Variants in GPHN observed in about 807,000 individuals in gnomAD.
The protein encoded by GPHN is gephyrin.
A neutral mutation model predicts 95.5 loss-of-function variants in GPHN; 17 were observed. The observed-to-expected ratio is 0.18, with a 90% CI of 0.12 to 0.27. The LOEUF (loss-of-function observed/expected upper bound fraction) is 0.27, where lower values mean the gene tolerates loss of function less well. Ranked by LOEUF, GPHN falls within the 10% of genes least tolerant of loss-of-function variation. The probability of loss-of-function intolerance (pLI) is 1.00; values close to 1 mark genes in which losing one functional copy is unlikely to be tolerated. For synonymous variants in GPHN, 320 were observed against 322.5 expected (o/e 0.99, Z 0.08); for missense variants, 660 against 978.1 (o/e 0.67, Z 4.34).
the GPHN span, among the ~76,000 whole-genome samples, chr14:67,682,165 A>G: frequency 1.3e-5 from 2 of 152,224 alleles, no homozygotes; most frequent in South Asian, 4.1e-4. Flanking sequence ...TAGTAACAGA[A>G]AACTGTCTTT....
At chr14:66,727,457 G>T (rs1319179819) in intron 2 of GPHN, among the ~76,000 whole-genome samples, 1 of 152,206 alleles carries the variant, frequency 6.6e-6, no homozygotes, top group South Asian at 2.1e-4. Context: ...GAAAATGTGG[G>T]AAAGTTTGGA....
chr14:66,950,932 T>G (rs117788116), intron 8 of GPHN, among the ~76,000 whole-genome samples: 1,833 of 152,176 alleles, frequency 0.012, 18 homozygotes, highest in Non-Finnish European at 0.018. Context: ...GTTGTTGTTT[T>G]GTTTGTTTTG....
chr14:66,611,183 T>C (rs1208353501), intron 1 of GPHN, among the ~76,000 whole-genome samples: 2 of 152,162 alleles, frequency 1.3e-5, no homozygotes, highest in Non-Finnish European at 2.9e-5. Context: ...TGCAGGGGAT[T>C]TTTTACTAGT....
In GPHN at chr14:66,822,089, T is replaced by C. The variant is rs2061216071; in HGVS notation, c.202-2385T>C. ...GCCTCAGCCTCCCGAGTAGCTGGGA[T>C]TAGAGGCACCCACCACCGTGCCCGG... On this transcript the variant is annotated intron_variant, in intron 3 of 22. Transcript: ENST00000478722. 2.0e-5 allele frequency among the ~76,000 whole-genome samples: 3 copies of C among 152,116 alleles called. No individual in the cohort carries two copies. In the South Asian group the frequency reaches 6.2e-4, roughly 32 times the overall value.
At chr14:67,024,471 T>C (rs1321572780) in intron 10 of GPHN, among the ~76,000 whole-genome samples, 1 of 152,240 alleles carries the variant, frequency 6.6e-6, no homozygotes. Context: ...GGCCTACTGA[T>C]ACTCATACCA....
At chr14:67,352,862 TG>T in the GPHN span, 12 of 1,024,716 alleles carry the variant, frequency 1.2e-5, no homozygotes, top group African/African-American at 1.8e-4. Flanking sequence ...AAAAAAAAAA[TG>T]CCAAGGGCCA....
intron 10 of GPHN, among the ~76,000 whole-genome samples, chr14:67,051,855 A>C (rs1160116605): frequency 6.6e-6 from 1 of 152,248 alleles, no homozygotes; most frequent in African/African-American, 2.4e-5. Context: ...ATAACCAGCC[A>C]AACTAAACTT....
At chr14:67,662,955 T>G in the GPHN span, 1 of 1,189,216 alleles carries the variant, frequency 8.4e-7, no homozygotes, top group Non-Finnish European at 1.1e-6. Flanking sequence ...CTGAAACCCC[T>G]CACCACTCCC....
intron 8 of GPHN, among the ~76,000 whole-genome samples, chr14:66,961,810 T>C (rs1271533372): frequency 6.7e-6 from 1 of 149,524 alleles, no homozygotes; most frequent in African/African-American, 2.4e-5. Flanking sequence ...CTATTCTTTG[T>C]GGACAGATGT....
chr14:67,516,424 C>T, the GPHN span, among the ~76,000 whole-genome samples: 483 of 152,190 alleles, frequency 3.2e-3, 8 homozygotes, highest in East Asian at 0.024. Flanking sequence ...AGAGGGACAA[C>T]AAGAGAGGCT....
At chr14:66,562,041 C>T (rs964776029) in intron 1 of GPHN, among the ~76,000 whole-genome samples, 1 of 152,154 alleles carries the variant, frequency 6.6e-6, no homozygotes, top group African/African-American at 2.4e-5. Context: ...GAAAGGGTCT[C>T]TCTTTTAAGG....
the GPHN span, among the ~76,000 whole-genome samples, chr14:67,284,297 T>A: frequency 9.2e-5 from 14 of 151,768 alleles, no homozygotes; most frequent in Non-Finnish European, 1.9e-4. Flanking sequence ...TAGTTTTTAG[T>A]ATACTCACAA....
intron 11 of GPHN, among the ~76,000 whole-genome samples, chr14:67,061,505 C>A (rs933492319): frequency 6.6e-6 from 1 of 152,120 alleles, no homozygotes; most frequent in Non-Finnish European, 1.5e-5. Context: ...TTTTTCATAA[C>A]CTCAAGATAA....
chr14:67,374,220 G>A, the GPHN span, among the ~76,000 whole-genome samples: 3 of 152,030 alleles, frequency 2.0e-5, no homozygotes, highest in Admixed American at 1.3e-4. Flanking sequence ...TTTCAGATTC[G>A]GGATGCTCTA....
At chr14:67,592,180 A>C in the GPHN span, 1 of 221,758 alleles carries the variant, frequency 4.5e-6, no homozygotes, top group East Asian at 1.5e-4. Context: ...CATGCTTGTA[A>C]TCCCAACACT....
intron 10 of GPHN, among the ~76,000 whole-genome samples, chr14:67,034,838 G>A (rs7151086): frequency 0.26 from 39,301 of 151,994 alleles, 10,365 homozygotes; most frequent in African/African-American, 0.65. Context: ...AATGGTAGGA[G>A]ATTTCAATAT....
the GPHN span, among the ~76,000 whole-genome samples, chr14:67,509,038 A>C: frequency 6.6e-6 from 1 of 152,158 alleles, no homozygotes; most frequent in African/African-American, 2.4e-5. Flanking sequence ...ATAAGCTTCT[A>C]TGACTAGTGG....
At chr14:67,334,684 T>C in the GPHN span, 2 of 152,452 alleles carry the variant, frequency 1.3e-5, no homozygotes, top group Middle Eastern at 3.4e-3. Flanking sequence ...AATAACATTC[T>C]TGGGTTGAGG....
the GPHN span, among the ~76,000 whole-genome samples, chr14:67,318,102 T>A: frequency 1.3e-5 from 2 of 152,212 alleles, no homozygotes; most frequent in African/African-American, 4.8e-5. Flanking sequence ...CTCCTTAGTT[T>A]GTTTTTATGG....
Sources: allele counts gnomAD v4.1 joint callset (sites outside exome capture counted in the v4.1 genomes callset), GRCh38; gene constraint gnomAD v4.1.1; transcripts MANE v1.5; gene names NCBI Gene and HGNC (gene_info 2026-07-23, HGNC 2026-07-21).